Variants in TXNDC11 observed in about 807,000 individuals in gnomAD.
TXNDC11 encodes the protein thioredoxin domain-containing protein 11.
Under a neutral mutation model 78.0 loss-of-function variants are expected in TXNDC11, and 68 were observed. The observed-to-expected ratio is 0.87, with a 90% confidence interval of 0.72 to 1.07. The LOEUF (loss-of-function observed/expected upper bound fraction) is 1.07. Among genes scored for constraint, TXNDC11 ranks in the 50% least tolerant of loss-of-function variants. The probability of loss-of-function intolerance (pLI) is 0.00; values close to 1 mark genes in which losing one functional copy is unlikely to be tolerated. For missense variants in TXNDC11, 1,389 were observed against 1,221.8 expected (o/e 1.14, Z -2.04); for synonymous variants, 571 against 495.2 (o/e 1.15, Z -2.03).
chr16:11,692,845 C>G (rs1386735705), intron 7 of TXNDC11, among the ~76,000 whole-genome samples: 1 of 152,208 alleles, frequency 6.6e-6, no homozygotes, highest in African/African-American at 2.4e-5. Flanking sequence ...TCACCCTACC[C>G]TCTTCAGAAC....
At position 11,700,355 on chromosome 16, in the gene TXNDC11, A is replaced by T. The variant is rs2050977367; in HGVS notation, c.906+97T>A. 7 of 565,672 alleles carry T rather than the reference A, an allele frequency of 1.2e-5. No individual in the cohort carries two copies. The Middle Eastern group carries it at 1.4e-3, about 113-fold the overall frequency. The allele number at this position is 565,672 out of a possible 1,614,324, so 35.0% of individuals were successfully genotyped here. On this transcript the variant is annotated intron_variant, in intron 6 of 11. Coordinates refer to ENST00000283033, the MANE Select transcript of TXNDC11 (RefSeq NM_015914.7). ...TAAAATCATATGCGCTTTTCTAGAG[A>T]GTGTCCATAGATTTTAACCAATTCT...
intron 7 of TXNDC11, among the ~76,000 whole-genome samples, chr16:11,694,581 G>C (rs1481623736): frequency 6.6e-6 from 1 of 151,934 alleles, no homozygotes; most frequent in Non-Finnish European, 1.5e-5. Context: ...CCAAGTAGCT[G>C]AGACTACAGG....
At chr16:11,740,352 G>A (rs1159442297) in intron 1 of TXNDC11, among the ~76,000 whole-genome samples, 4 of 152,136 alleles carry the variant, frequency 2.6e-5, no homozygotes, top group Non-Finnish European at 4.4e-5. Context: ...CAGTGACACA[G>A]AAAGAAGATG....
At chr16:11,693,948 A>T (rs1016941150) in intron 7 of TXNDC11, among the ~76,000 whole-genome samples, 1 of 152,220 alleles carries the variant, frequency 6.6e-6, no homozygotes. Flanking sequence ...CTTTTACAGA[A>T]GTCCAAGTAG....
Position 11,688,294 on chromosome 16 carries a change from ACT to A in TXNDC11, c.2043+7_2043+8del, listed in dbSNP as rs2050618554. ...GATGGCTTAACTTTTGCCTCTCATG[ACT>A]CCATACCTGTTTTTGAAGGACTACT... On this transcript the variant is annotated splice_region_variant and intron_variant, in intron 9 of 11. Transcript: ENST00000283033. 1.2e-6 allele frequency: 2 copies of A among 1,609,602 alleles called. No homozygotes were observed. Among genetic ancestry groups the A allele is most frequent in the Non-Finnish European group, 1.7e-6 (2 of 1,178,300 alleles).
chr16:11,703,548 GGAGA>G (rs1394099648), intron 5 of TXNDC11: 3 of 557,856 alleles, frequency 5.4e-6, no homozygotes, highest in East Asian at 3.2e-5. Context: ...ACACACAGAG[GGAGA>G]GAGAGGGGAT....
chr16:11,728,543 G>A (rs549583932), intron 4 of TXNDC11, among the ~76,000 whole-genome samples: 172 of 152,300 alleles, frequency 1.1e-3, no homozygotes, highest in African/African-American at 4.0e-3. Flanking sequence ...CTCTAAGTGG[G>A]CTGCCAAAAA....
At chr16:11,733,410 C>T (rs974395714) in intron 3 of TXNDC11, among the ~76,000 whole-genome samples, 1 of 151,952 alleles carries the variant, frequency 6.6e-6, no homozygotes, top group African/African-American at 2.4e-5. Context: ...GCCTGTAGTC[C>T]CAACTACTTG....
At chr16:11,718,700 G>C (rs527770561) in intron 5 of TXNDC11, among the ~76,000 whole-genome samples, 93 of 152,080 alleles carry the variant, frequency 6.1e-4, no homozygotes, top group Non-Finnish European at 1.0e-3. Context: ...AAAAAAATGG[G>C]GTGAAAAGGA....
chr16:11,700,389 T>C, intron 6 of TXNDC11, 63 bp downstream of exon 6: 2 of 734,754 alleles, frequency 2.7e-6, no homozygotes, highest in Non-Finnish European at 4.6e-6. Context: ...CTCAAAGGAG[T>C]CTGTGACCTA....
At chr16:11,741,015 G>A (rs2052374690) in intron 1 of TXNDC11, among the ~76,000 whole-genome samples, 1 of 151,266 alleles carries the variant, frequency 6.6e-6, no homozygotes, top group Non-Finnish European at 1.5e-5. Context: ...AGTGGGTAGA[G>A]GCCGGGGATG....
intron 7 of TXNDC11, among the ~76,000 whole-genome samples, chr16:11,692,529 G>GA (rs920061482): frequency 5.3e-5 from 8 of 150,066 alleles, no homozygotes; most frequent in South Asian, 2.1e-4. Flanking sequence ...TCTCAATAAG[G>GA]AAAAAAAAAG....
chr16:11,687,102 T>C (rs1338820588), intron 10 of TXNDC11, among the ~76,000 whole-genome samples: 1 of 152,256 alleles, frequency 6.6e-6, no homozygotes, highest in African/African-American at 2.4e-5. Flanking sequence ...CCCCTTTTTG[T>C]CTGCTTTCCC....
rs2052450329 is a variant in TXNDC11 at position 11,742,779 on chromosome 16, C to T, written c.-49G>A. The stretch of plus-strand genomic sequence containing the variant: ...TATACCGCCGCCGCCGCCTCGGGCC[C>T]GAAGGCCCGGCCCGGCCCGTTGCTC... On this transcript the variant is annotated 5_prime_UTR_variant, in exon 1 of 12. Coordinates refer to ENST00000283033, the MANE Select transcript of TXNDC11 (RefSeq NM_015914.7). 7.1e-7 allele frequency: 1 copy of T among 1,411,606 alleles called. No homozygotes were observed. The highest frequency in any genetic ancestry group is 1.6e-5 in the South Asian group (1 of 63,342). The allele number at this position is 1,411,606 out of a possible 1,614,324, so 87.4% of individuals were successfully genotyped here.
At chr16:11,697,876 C>T (rs991520720) in intron 7 of TXNDC11, among the ~76,000 whole-genome samples, 8 of 152,208 alleles carry the variant, frequency 5.3e-5, no homozygotes, top group Non-Finnish European at 1.0e-4. Context: ...GCTTCCCTGC[C>T]TCTTCCCACT....
At chr16:11,709,781 T>C (rs966380745) in intron 5 of TXNDC11, among the ~76,000 whole-genome samples, 9 of 152,056 alleles carry the variant, frequency 5.9e-5, no homozygotes, top group African/African-American at 7.2e-5. Flanking sequence ...GAAAGAGAAA[T>C]GTAGTTCCAA....
intron 4 of TXNDC11, among the ~76,000 whole-genome samples, chr16:11,722,663 G>A (rs1272066973): frequency 6.6e-6 from 1 of 152,174 alleles, no homozygotes; most frequent in Non-Finnish European, 1.5e-5. Flanking sequence ...GTTAGGCAAA[G>A]AGCAAGCCTG....
At position 11,691,844 on chromosome 16, in the gene TXNDC11, G is replaced by A. The variant is rs778449282; in HGVS notation, c.1346C>T (p.Thr449Ile). The A allele has an allele frequency of 3.7e-6, 6 of 1,614,264 alleles. No homozygotes were observed. Among genetic ancestry groups the A allele is most frequent in the Non-Finnish European group, 8.5e-7 (1 of 1,180,046 alleles). Residue 449 changes from threonine (T) to isoleucine (I), a missense_variant, in exon 8 of 12, where the codon ACC becomes ATC. Transcript: ENST00000283033. Reference sequence around the variant, plus strand: ...CGAGCTCGGCTTCATGCCCCCGGAGGTCTGGTTGACACAGAGTTCACAGAC... The same window carrying A: ...CGAGCTCGGCTTCATGCCCCCGGAGATCTGGTTGACACAGAGTTCACAGAC... ...HNVCELCVNQ[T>I]SGGMKPSSVS...
At chr16:11,741,529 G>A (rs918069099) in intron 1 of TXNDC11, among the ~76,000 whole-genome samples, 1 of 152,214 alleles carries the variant, frequency 6.6e-6, no homozygotes. Flanking sequence ...ACGCTCCCCC[G>A]GGATCTTCCC....
Sources: gnomAD v4.1 joint callset for allele counts (sites outside exome capture counted in the v4.1 genomes callset) on GRCh38, gnomAD v4.1.1 for gene constraint, MANE v1.5 for transcripts, NCBI Gene and HGNC (gene_info 2026-07-23, HGNC 2026-07-21) for gene names.